Variants in MACROD2 observed in about 807,000 individuals in gnomAD.
MACROD2 encodes mono-ADP ribosylhydrolase 2.
Under a neutral mutation model 70.4 loss-of-function variants are expected in MACROD2, and 36 were observed. The observed-to-expected ratio is 0.51, with a 90% CI of 0.39 to 0.68. The LOEUF is 0.68. Ranked by LOEUF, MACROD2 falls within the 30% of genes least tolerant of loss-of-function variation. The pLI is 0.00. For synonymous variants in MACROD2, 172 were observed against 178.8 expected, an observed-to-expected ratio of 0.96 and a Z score of 0.30; for missense variants, 496 against 538.4, an observed-to-expected ratio of 0.92 and a Z score of 0.78.
chr20:14,326,387 CTG>C lies in MACROD2; in HGVS notation c.272-167088_272-167087del. ...GGCCACTGTCCTTGGGCAGGATACACTGTGTTGGGTATTGCAGTGGTTATCTG... is the reference window on the plus strand; with the variant it reads ...GGCCACTGTCCTTGGGCAGGATACACTGTTGGGTATTGCAGTGGTTATCTG... On this transcript the variant is annotated intron_variant, in intron 3 of 17. Coordinates refer to ENST00000684519, the MANE Select transcript of MACROD2 (RefSeq NM_001351661.2). The surrounding 1 kb of genome is among the most constrained non-coding windows in gnomAD (Gnocchi z 5.5). 2 of 1,613,886 alleles carry C rather than the reference CTG, an allele frequency of 1.2e-6. No homozygotes were observed. The highest frequency in any genetic ancestry group is 1.7e-6 in the Non-Finnish European group (2 of 1,179,874).
At chr20:15,722,263 G>C (rs2050797090) in intron 8 of MACROD2, among the ~76,000 whole-genome samples, 1 of 152,096 alleles carries the variant, frequency 6.6e-6, no homozygotes, top group African/African-American at 2.4e-5. Context: ...CTTATGAGTA[G>C]AATTCCCAGG....
intron 3 of MACROD2, among the ~76,000 whole-genome samples, chr20:14,185,331 C>A (rs2081336322): frequency 6.6e-6 from 1 of 151,864 alleles, no homozygotes; most frequent in Non-Finnish European, 1.5e-5. Flanking sequence ...GCCCTTCTTT[C>A]ATGTTCCTTG....
intron 5 of MACROD2, among the ~76,000 whole-genome samples, chr20:14,904,463 A>T (rs2073934628): frequency 6.6e-6 from 1 of 152,128 alleles, no homozygotes; most frequent in African/African-American, 2.4e-5. Context: ...AAAAATATAT[A>T]GGTGGGTACA....
At chr20:14,986,310 T>TGGG (rs2074848354) in intron 5 of MACROD2, among the ~76,000 whole-genome samples, 1 of 152,086 alleles carries the variant, frequency 6.6e-6, no homozygotes, top group Non-Finnish European at 1.5e-5. Context: ...TGACCCCCAT[T>TGGG]AAAGTTAATG....
intron 5 of MACROD2, among the ~76,000 whole-genome samples, chr20:15,109,066 A>C (rs940119879): frequency 3.9e-5 from 6 of 152,210 alleles, no homozygotes; most frequent in African/African-American, 1.2e-4. Context: ...ACATTCAGCC[A>C]CACCCATTCA....
chr20:15,686,280 G>A (rs908078475), intron 8 of MACROD2, among the ~76,000 whole-genome samples: 1 of 152,166 alleles, frequency 6.6e-6, no homozygotes, highest in Non-Finnish European at 1.5e-5. Context: ...TTTATTAGAT[G>A]CCTGTAAAAG....
At chr20:14,161,561 T>C (rs2055189090) in intron 3 of MACROD2, among the ~76,000 whole-genome samples, 1 of 151,592 alleles carries the variant, frequency 6.6e-6, no homozygotes, top group African/African-American at 2.4e-5. Flanking sequence ...AATCAGTTGT[T>C]GATAGACCCT....
At chr20:16,003,557 G>C (rs962675765) in intron 15 of MACROD2, among the ~76,000 whole-genome samples, 1 of 152,170 alleles carries the variant, frequency 6.6e-6, no homozygotes, top group African/African-American at 2.4e-5. Flanking sequence ...GAGGGCAGAG[G>C]CTTTCCAAGT....
At position 14,348,963 on chromosome 20, in the gene MACROD2, G is replaced by T. The variant is rs150268816; in HGVS notation, c.272-144516G>T. ...CATGCCTATGGTTCCAGCTACTTGGGAGGCTGAGGTGGGAGGATTGCTTGA... is the reference window on the plus strand; with the variant it reads ...CATGCCTATGGTTCCAGCTACTTGGTAGGCTGAGGTGGGAGGATTGCTTGA... On this transcript the variant is annotated intron_variant, in intron 3 of 17. Transcript: ENST00000684519. 5.1e-3 allele frequency among the ~76,000 whole-genome samples: 779 copies of T among 152,256 alleles called. 11 individuals carry two copies. Among genetic ancestry groups the T allele is most frequent in the Middle Eastern group, 0.034 (10 of 294 alleles).
At chr20:14,443,534 T>C (rs1208160788) in intron 3 of MACROD2, among the ~76,000 whole-genome samples, 1 of 152,028 alleles carries the variant, frequency 6.6e-6, no homozygotes, top group Non-Finnish European at 1.5e-5. Context: ...CTACCTCAGG[T>C]GATCTGCCCG....
intron 7 of MACROD2, among the ~76,000 whole-genome samples, chr20:15,485,896 T>A (rs1368892442): frequency 6.6e-6 from 1 of 152,136 alleles, no homozygotes. Context: ...TAGTAAAAGA[T>A]CTTGTATGCA....
intron 6 of MACROD2, among the ~76,000 whole-genome samples, chr20:15,411,498 A>T (rs955108618): frequency 2.0e-5 from 3 of 152,180 alleles, no homozygotes; most frequent in African/African-American, 7.2e-5. Flanking sequence ...GAGAGATTTT[A>T]CTGAATTTTC....
intron 5 of MACROD2, among the ~76,000 whole-genome samples, chr20:14,796,095 A>C (rs1377176530): frequency 6.6e-6 from 1 of 152,096 alleles, no homozygotes; most frequent in African/African-American, 2.4e-5. Flanking sequence ...ATAGGAAGGA[A>C]TAATAATCAC....
intron 10 of MACROD2, among the ~76,000 whole-genome samples, chr20:15,920,361 G>A (rs2065385069): frequency 6.6e-6 from 1 of 152,072 alleles, no homozygotes; most frequent in Non-Finnish European, 1.5e-5. Flanking sequence ...AATGTACAAC[G>A]CAGACAAGAT....
chr20:14,607,194 A>G (rs530594872), intron 4 of MACROD2, among the ~76,000 whole-genome samples: 15 of 152,270 alleles, frequency 9.9e-5, no homozygotes, highest in African/African-American at 2.6e-4. Context: ...AGCAGAGTCA[A>G]TAGGGGTTCT....
chr20:15,995,450 C>T (rs528801338), intron 15 of MACROD2, among the ~76,000 whole-genome samples: 29 of 151,248 alleles, frequency 1.9e-4, no homozygotes, highest in Non-Finnish European at 3.7e-4. Context: ...CCCAGGTTCA[C>T]GCCATTCTCC....
chr20:14,376,842 G>A (rs551831943), intron 3 of MACROD2, among the ~76,000 whole-genome samples: 29 of 151,228 alleles, frequency 1.9e-4, no homozygotes, highest in South Asian at 8.4e-4. Flanking sequence ...TTTGGCTCTG[G>A]TTTTCTCACA....
At chr20:15,821,148 C>T (rs1448499253) in intron 8 of MACROD2, among the ~76,000 whole-genome samples, 2 of 152,196 alleles carry the variant, frequency 1.3e-5, no homozygotes, top group African/African-American at 2.4e-5. Flanking sequence ...CAGTTCTTCT[C>T]CTTTATAGTT....
intron 12 of MACROD2, among the ~76,000 whole-genome samples, chr20:15,960,087 C>T (rs1392085719): frequency 2.6e-5 from 4 of 152,332 alleles, no homozygotes; most frequent in East Asian, 3.9e-4. Context: ...AGAGACTCAA[C>T]AACTGTTCTA....
Sources: allele counts gnomAD v4.1 joint callset (sites outside exome capture counted in the v4.1 genomes callset), GRCh38; gene constraint gnomAD v4.1.1; non-coding constraint Gnocchi (gnomAD v3.1); transcripts MANE v1.5; gene names NCBI Gene and HGNC (gene_info 2026-07-23, HGNC 2026-07-21).